The following OPCML variants were observed in gnomAD, a reference collection of about 807,000 sequenced individuals.
OPCML encodes the protein opioid-binding protein/cell adhesion molecule.
In OPCML, 13 loss-of-function variants were observed where a neutral mutation model predicts 37.8. That is an observed-to-expected ratio of 0.34 (90% CI 0.22 to 0.55). The LOEUF (loss-of-function observed/expected upper bound fraction) is 0.55, where lower values mean the gene tolerates loss of function less well. Among genes scored for constraint, OPCML ranks in the 20% least tolerant of loss-of-function variants. The pLI, the probability that OPCML is intolerant of heterozygous loss-of-function variation, is 0.91. For synonymous variants in OPCML, 176 were observed against 168.8 expected (o/e 1.04, Z -0.33); for missense variants, 341 against 435.6 (o/e 0.78, Z 1.93).
chr11:132,617,281 A>G (rs954182346), intron 3 of OPCML, among the ~76,000 whole-genome samples: 1 of 152,228 alleles, frequency 6.6e-6, no homozygotes, highest in African/African-American at 2.4e-5. Context: ...GAGGAGAGAC[A>G]GAACATATAT....
chr11:132,783,455 T>TCAAA (rs905804228), intron 2 of OPCML, among the ~76,000 whole-genome samples: 1 of 152,208 alleles, frequency 6.6e-6, no homozygotes, highest in Non-Finnish European at 1.5e-5. Context: ...ACAGCCATGT[T>TCAAA]CAAACAGTTA....
chr11:132,516,936 C>T (rs1378289553), intron 4 of OPCML, among the ~76,000 whole-genome samples: 1 of 152,114 alleles, frequency 6.6e-6, no homozygotes, highest in Non-Finnish European at 1.5e-5. Flanking sequence ...GTTCTAAATC[C>T]AGCCACAAGT....
intron 2 of OPCML, among the ~76,000 whole-genome samples, chr11:132,835,034 C>G (rs1053084822): frequency 6.6e-6 from 1 of 150,964 alleles, no homozygotes; most frequent in Non-Finnish European, 1.5e-5. Context: ...ACCAGCTTGC[C>G]AGAGCCAGGA....
chr11:133,048,075 G>A (rs966575098), intron 1 of OPCML, among the ~76,000 whole-genome samples: 6 of 152,064 alleles, frequency 3.9e-5, no homozygotes, highest in East Asian at 3.9e-4. Flanking sequence ...TTGAGGAATC[G>A]GGTAAGACGC....
intron 1 of OPCML, among the ~76,000 whole-genome samples, chr11:132,969,377 C>A (rs926057611): frequency 2.6e-5 from 4 of 152,136 alleles, no homozygotes; most frequent in Admixed American, 6.6e-5. Context: ...GTCTTTCAAC[C>A]TTTTCCCTAT....
chr11:132,701,094 G>A (rs971803155), intron 2 of OPCML, among the ~76,000 whole-genome samples: 5 of 152,140 alleles, frequency 3.3e-5, no homozygotes, highest in Admixed American at 6.5e-5. Context: ...ACCCAAGACT[G>A]GGTAATGTAT....
intron 1 of OPCML, among the ~76,000 whole-genome samples, chr11:132,964,915 G>A (rs932890653): frequency 6.6e-5 from 10 of 152,156 alleles, no homozygotes; most frequent in African/African-American, 2.4e-4. Context: ...GAGACTGGTG[G>A]ATTCAGACCT....
chr11:132,746,219 C>T (rs1683302362), intron 2 of OPCML, among the ~76,000 whole-genome samples: 1 of 152,080 alleles, frequency 6.6e-6, no homozygotes, highest in African/African-American at 2.4e-5. Flanking sequence ...CTGCTAACAA[C>T]AGACAGAACT....
chr11:133,330,807 C>T (rs1943601708), intron 1 of OPCML, among the ~76,000 whole-genome samples: 1 of 152,100 alleles, frequency 6.6e-6, no homozygotes, highest in Non-Finnish European at 1.5e-5. Context: ...GCACGTTGTG[C>T]ACATGTACCC....
intron 4 of OPCML, among the ~76,000 whole-genome samples, chr11:132,513,134 T>C (rs2096272408): frequency 1.3e-5 from 2 of 152,116 alleles, no homozygotes; most frequent in South Asian, 4.1e-4. Flanking sequence ...AGAACAATGG[T>C]TAGTGCTGCT....
intron 1 of OPCML, among the ~76,000 whole-genome samples, chr11:133,404,009 G>A (rs1945468615): frequency 6.6e-6 from 1 of 152,216 alleles, no homozygotes; most frequent in African/African-American, 2.4e-5. Flanking sequence ...TCTGGAGGCT[G>A]GAAGTTCGAA....
intron 2 of OPCML, among the ~76,000 whole-genome samples, chr11:132,882,039 T>C (rs113054573): frequency 6.6e-6 from 1 of 152,262 alleles, no homozygotes; most frequent in African/African-American, 2.4e-5. Flanking sequence ...TTTTTCCTTC[T>C]CCTTCTGGCT....
At chr11:132,974,899 G>T (rs551903302) in intron 1 of OPCML, among the ~76,000 whole-genome samples, 1 of 151,356 alleles carries the variant, frequency 6.6e-6, no homozygotes, top group Non-Finnish European at 1.5e-5. Context: ...GTTCTTCAAG[G>T]CTCTGTTTAA....
intron 4 of OPCML, among the ~76,000 whole-genome samples, chr11:132,484,262 T>C (rs1157515582): frequency 6.6e-6 from 1 of 152,084 alleles, no homozygotes; most frequent in African/African-American, 2.4e-5. Flanking sequence ...GCAAAGGACA[T>C]GAACAGACAC....
intron 1 of OPCML, among the ~76,000 whole-genome samples, chr11:133,386,274 T>G (rs1945048274): frequency 6.6e-6 from 1 of 152,238 alleles, no homozygotes; most frequent in Non-Finnish European, 1.5e-5. Context: ...AGCATAACAT[T>G]TAAATTAGTG....
intron 1 of OPCML, among the ~76,000 whole-genome samples, chr11:133,150,913 G>A (rs1949971962): frequency 6.6e-6 from 1 of 152,034 alleles, no homozygotes; most frequent in Non-Finnish European, 1.5e-5. Context: ...TCCTCAGGAA[G>A]CCACATCCTC....
intron 1 of OPCML, among the ~76,000 whole-genome samples, chr11:133,342,661 G>T (rs920005602): frequency 6.6e-6 from 1 of 152,180 alleles, no homozygotes. Flanking sequence ...CAGTCTACAG[G>T]CAGCGGACAG....
chr11:132,939,234 C>G (rs1353867576), intron 2 of OPCML, among the ~76,000 whole-genome samples: 1 of 152,168 alleles, frequency 6.6e-6, no homozygotes, highest in African/African-American at 2.4e-5. Flanking sequence ...CAGAAACACA[C>G]CCAGGCAAAC....
At chr11:133,129,140 G>C (rs1413741499) in intron 1 of OPCML, among the ~76,000 whole-genome samples, 1 of 152,124 alleles carries the variant, frequency 6.6e-6, no homozygotes, top group African/African-American at 2.4e-5. Context: ...TGAGAGTCTG[G>C]GGGAGATCAA....
Sources: allele counts gnomAD v4.1 joint callset (sites outside exome capture counted in the v4.1 genomes callset), GRCh38; gene constraint gnomAD v4.1.1; transcripts MANE v1.5; gene names NCBI Gene and HGNC (gene_info 2026-07-23, HGNC 2026-07-21).